COMMD7: variants seen among roughly 807,000 people sequenced by gnomAD.
The protein encoded by COMMD7 is COMM domain-containing protein 7.
Under a neutral mutation model 34.8 loss-of-function variants are expected in COMMD7, and 28 were observed. The observed-to-expected ratio is 0.80, with a 90% CI of 0.60 to 1.10. COMMD7 has a LOEUF of 1.10. Ranked by LOEUF, COMMD7 falls within the 50% of genes least tolerant of loss-of-function variation. COMMD7 has a pLI of 0.00. For synonymous variants in COMMD7, 80 were observed against 86.4 expected (o/e 0.93, Z 0.41); for missense variants, 211 against 241.6 (o/e 0.87, Z 0.84).
At chr20:32,729,834 G>A (rs1220716001) in intron 1 of COMMD7, among the ~76,000 whole-genome samples, 2 of 143,592 alleles carry the variant, frequency 1.4e-5, no homozygotes, top group African/African-American at 5.1e-5. Context: ...GTGAAACCCC[G>A]TCTCTACTAA....
At chr20:32,712,725 C>CT (rs1347299101) in intron 3 of COMMD7, among the ~76,000 whole-genome samples, 222 of 81,060 alleles carry the variant, frequency 2.7e-3, no homozygotes, top group African/African-American at 9.2e-3. Flanking sequence ...TTGAGATGGT[C>CT]CCTTTTTTTT....
intron 1 of COMMD7, among the ~76,000 whole-genome samples, chr20:32,733,114 T>C (rs1412987937): frequency 2.7e-5 from 4 of 149,632 alleles, no homozygotes; most frequent in African/African-American, 9.9e-5. Flanking sequence ...CGGGCGCCTG[T>C]AATCCCAGCA....
At chr20:32,735,461 C>A (rs189912244) in intron 1 of COMMD7, among the ~76,000 whole-genome samples, 19 of 151,236 alleles carry the variant, frequency 1.3e-4, no homozygotes, top group Non-Finnish European at 2.1e-4. Flanking sequence ...GGATTATAAG[C>A]GTGCACTACC....
chr20:32,721,646 A>C (rs1052564705), intron 3 of COMMD7, among the ~76,000 whole-genome samples: 9 of 152,146 alleles, frequency 5.9e-5, no homozygotes, highest in Admixed American at 1.3e-4. Flanking sequence ...TTGGGAGGCC[A>C]AGGCAGGCAG....
intron 1 of COMMD7, among the ~76,000 whole-genome samples, chr20:32,736,441 C>T (rs1043225578): frequency 2.0e-5 from 3 of 149,850 alleles, no homozygotes; most frequent in African/African-American, 7.4e-5. Flanking sequence ...GAGGCTGAGG[C>T]CGGCGGATCA....
chr20:32,706,784 T>G, intron 3 of COMMD7, 24 bp from the exon 4 acceptor site: 1 of 1,602,710 alleles, frequency 6.2e-7, no homozygotes, highest in Non-Finnish European at 8.5e-7. Flanking sequence ...GAGAAATCAG[T>G]TAGAAAGGCA....
chr20:32,704,690 C>G, intron 6 of COMMD7, 124 bp downstream of exon 6: 2 of 818,728 alleles, frequency 2.4e-6, no homozygotes, highest in Non-Finnish European at 4.0e-6. Context: ...GAATACAAAA[C>G]AGCAGCTGCT....
chr20:32,729,947 G>T (rs1373973125), intron 1 of COMMD7, among the ~76,000 whole-genome samples: 2 of 151,918 alleles, frequency 1.3e-5, no homozygotes, highest in Non-Finnish European at 2.9e-5. Context: ...CAGGAGGCAG[G>T]GGTTGCAGTG....
intron 3 of COMMD7, among the ~76,000 whole-genome samples, chr20:32,715,583 G>A (rs1027184148): frequency 6.6e-6 from 1 of 151,012 alleles, no homozygotes; most frequent in Admixed American, 6.6e-5. Context: ...GAGGCAGGTG[G>A]ACTGCTTGAA....
At chr20:32,725,201 G>A (rs1446315115) in intron 3 of COMMD7, among the ~76,000 whole-genome samples, 2 of 151,978 alleles carry the variant, frequency 1.3e-5, no homozygotes, top group Non-Finnish European at 2.9e-5. Context: ...GATGTGGAAA[G>A]AGCTCCATGA....
intron 3 of COMMD7, among the ~76,000 whole-genome samples, chr20:32,708,963 T>C (rs1309421042): frequency 6.6e-6 from 1 of 151,708 alleles, no homozygotes; most frequent in Non-Finnish European, 1.5e-5. Context: ...TGAGCCACCA[T>C]GCCCAGCTAT....
chr20:32,707,210 G>A (rs188825253), intron 3 of COMMD7, among the ~76,000 whole-genome samples: 25,508 of 147,290 alleles, frequency 0.17, 2,872 homozygotes, highest in Middle Eastern at 0.25. Flanking sequence ...CGTGAACCCG[G>A]GAGGCGGAGC....
intron 5 of COMMD7, among the ~76,000 whole-genome samples, chr20:32,705,314 G>GTA (rs1252145531): frequency 2.1e-5 from 3 of 144,316 alleles, no homozygotes; most frequent in African/African-American, 5.6e-5. Flanking sequence ...ATATATATGT[G>GTA]TATATATATA....
rs1428025709 is a variant in COMMD7 at position 32,706,583 on chromosome 20, C to G, written c.336G>C (p.Lys112Asn). The change falls in exon 5 of 9, where the codon AAG (lysine) becomes AAC (asparagine). Residue 112 changes from lysine (K) to asparagine (N), a missense_variant and splice_region_variant. Coordinates refer to ENST00000278980, the MANE Select transcript of COMMD7 (RefSeq NM_053041.3). ...SEEKATYFSE[K>N]WKQNAPTLAR... ...TAACCTTGATTAAGAGGAATTATAC[C>G]TTTTCAGAAAAGTAAGTGGCTTTCT... is the stretch of plus-strand genomic sequence containing the variant. 2.5e-6 allele frequency: 4 copies of G among 1,605,072 alleles called. No individual in the cohort carries two copies. Among genetic ancestry groups the G allele is most frequent in the Non-Finnish European group, 3.4e-6 (4 of 1,172,192 alleles).
chr20:32,723,074 G>GGTTCTGCACTTTAGGCACCATGTTGGTC (rs1600988681), intron 3 of COMMD7, among the ~76,000 whole-genome samples: 9 of 35,836 alleles, frequency 2.5e-4, no homozygotes, highest in African/African-American at 7.1e-4. Context: ...AAAGACTTGT[G>GGTTCTGCACTTTAGGCACCATGTTGGTC]ATCCTCTCCC....
chr20:32,720,645 CA>C (rs1985096525), intron 3 of COMMD7, among the ~76,000 whole-genome samples: 1 of 152,010 alleles, frequency 6.6e-6, no homozygotes, highest in East Asian at 1.9e-4. Flanking sequence ...CTCGTCTCTA[CA>C]AAAAATACAA....
chr20:32,742,131 GACCC>G (rs996305611), intron 1 of COMMD7, among the ~76,000 whole-genome samples: 6 of 151,940 alleles, frequency 3.9e-5, no homozygotes, highest in African/African-American at 1.4e-4. Context: ...AGGTTGCAGT[GACCC>G]GAGATCGCGC....
chr20:32,706,685 A>T lies in COMMD7; in HGVS notation c.298+19T>A. The T allele has an allele frequency of 6.2e-7, 1 of 1,613,766 alleles. No homozygotes were observed. ...CCTCAGAAGCCAGTCACCCTGAGCAACCCTGGCCAATGACCTACCCAGAGT... is the reference window on the plus strand; with the variant it reads ...CCTCAGAAGCCAGTCACCCTGAGCATCCCTGGCCAATGACCTACCCAGAGT... On this transcript the variant is annotated intron_variant, in intron 4 of 8. Coordinates refer to ENST00000278980, the MANE Select transcript of COMMD7 (RefSeq NM_053041.3).
At chr20:32,714,081 C>A (rs1817033490) in intron 3 of COMMD7, among the ~76,000 whole-genome samples, 1 of 152,022 alleles carries the variant, frequency 6.6e-6, no homozygotes, top group African/African-American at 2.4e-5. Flanking sequence ...CCACTGCACT[C>A]CAGCCTGGGC....
Sources: gnomAD v4.1 joint callset for allele counts (sites outside exome capture counted in the v4.1 genomes callset) on GRCh38, gnomAD v4.1.1 for gene constraint, MANE v1.5 for transcripts, NCBI Gene and HGNC (gene_info 2026-07-23, HGNC 2026-07-21) for gene names.